The following ARMH3 variants were observed in gnomAD, a reference collection of about 807,000 sequenced individuals.
ARMH3 encodes the protein armadillo-like helical domain-containing protein 3.
In ARMH3, 60 loss-of-function variants were observed where a neutral mutation model predicts 99.1. That is an observed-to-expected ratio of 0.61 (90% confidence interval 0.49 to 0.75). The LOEUF is 0.75. ARMH3 is among the 30% of genes least tolerant of loss of function. The probability of loss-of-function intolerance (pLI) is 0.00; values close to 1 mark genes in which losing one functional copy is unlikely to be tolerated. For synonymous variants in ARMH3, 285 were observed against 292.8 expected, an observed-to-expected ratio of 0.97 and a Z score of 0.27; for missense variants, 679 against 843.1, an observed-to-expected ratio of 0.81 and a Z score of 2.41.
chr10:101,950,639 C>T (rs1033136890), intron 22 of ARMH3, among the ~76,000 whole-genome samples: 4 of 152,184 alleles, frequency 2.6e-5, no homozygotes, highest in African/African-American at 9.7e-5. Flanking sequence ...AGTACTGTTA[C>T]TTCATGGATA....
chr10:101,944,271 TATAGAGAGAGAGAGAG>T (rs1844399298), intron 22 of ARMH3, among the ~76,000 whole-genome samples: 4 of 40,030 alleles, frequency 1.0e-4, no homozygotes, highest in East Asian at 1.8e-3. Flanking sequence ...TATATATATA[TATAGAGAGAGAGAGAG>T]AGAGAGAGAG....
chr10:101,925,186 T>G (rs1843461537), intron 23 of ARMH3, among the ~76,000 whole-genome samples: 1 of 152,340 alleles, frequency 6.6e-6, no homozygotes, highest in South Asian at 2.1e-4. Flanking sequence ...GTGATTCAGC[T>G]GCTGAATAAC....
chr10:102,019,043 T>C (rs2066816447), intron 8 of ARMH3, among the ~76,000 whole-genome samples: 1 of 152,186 alleles, frequency 6.6e-6, no homozygotes, highest in Non-Finnish European at 1.5e-5. Flanking sequence ...GTTTATGTAT[T>C]TACTATACTA....
At chr10:101,945,072 A>C (rs1844457614) in intron 22 of ARMH3, among the ~76,000 whole-genome samples, 1 of 152,208 alleles carries the variant, frequency 6.6e-6, no homozygotes, top group South Asian at 2.1e-4. Flanking sequence ...AAACATGAAA[A>C]GTAATTATCT....
chr10:101,933,294 A>G (rs144915740), intron 23 of ARMH3, among the ~76,000 whole-genome samples: 81 of 152,334 alleles, frequency 5.3e-4, no homozygotes, highest in Non-Finnish European at 9.7e-4. Flanking sequence ...AAATTTCAGG[A>G]TAAGTTTAGG....
chr10:102,009,589 C>T, intron 12 of ARMH3, 140 bp from the exon 13 acceptor site: 2 of 783,778 alleles, frequency 2.6e-6, no homozygotes, highest in South Asian at 3.3e-5. Context: ...CTTTACTTGC[C>T]ATTTGGGCGT....
intron 23 of ARMH3, among the ~76,000 whole-genome samples, chr10:101,928,030 C>T (rs1023273177): frequency 5.9e-5 from 9 of 152,168 alleles, no homozygotes; most frequent in Non-Finnish European, 1.0e-4. Flanking sequence ...GCCAAGACTG[C>T]GTCACTGCAC....
chr10:101,894,213 G>A (rs1186172966), intron 23 of ARMH3, among the ~76,000 whole-genome samples: 2 of 152,176 alleles, frequency 1.3e-5, no homozygotes, highest in East Asian at 1.9e-4. Context: ...CTAATGTCCT[G>A]GAGATGCCAG....
intron 1 of ARMH3, among the ~76,000 whole-genome samples, 173 bp downstream of exon 1, chr10:102,055,912 C>A (rs1213224065): frequency 1.5e-4 from 23 of 152,216 alleles, no homozygotes; most frequent in Admixed American, 1.5e-3. Context: ...CCCTCCCCGG[C>A]ATACGCAGCT....
chr10:101,912,391 C>CAA (rs34173316), intron 23 of ARMH3, among the ~76,000 whole-genome samples: 55 of 82,968 alleles, frequency 6.6e-4, no homozygotes, highest in Non-Finnish European at 8.9e-4. Context: ...GACTCTGTCT[C>CAA]AAAAAAAAAA....
intron 23 of ARMH3, among the ~76,000 whole-genome samples, chr10:101,896,537 A>T (rs1439197922): frequency 6.6e-6 from 1 of 152,224 alleles, no homozygotes; most frequent in Non-Finnish European, 1.5e-5. Flanking sequence ...TATACCAGAA[A>T]ACATGAACTG....
rs544273178 is a variant in ARMH3, at chr10:101,953,796, A to T, written c.1705+2801T>A. Among the ~76,000 whole-genome samples, 109 of 152,302 alleles carry T rather than the reference A, an allele frequency of 7.2e-4. No homozygotes were observed. In the South Asian group the frequency reaches 0.022, roughly 30 times the overall value. On this transcript the variant is annotated intron_variant, in intron 22 of 25. Coordinates refer to ENST00000370033, the MANE Select transcript of ARMH3 (RefSeq NM_024541.3). Reference sequence around the variant, plus strand: ...TGCTGGAGAGAATGTAAAATAGAACATGCATTTTGGAAAACGGTTTGGCGG... The same window carrying T: ...TGCTGGAGAGAATGTAAAATAGAACTTGCATTTTGGAAAACGGTTTGGCGG...
At chr10:101,954,000 T>C (rs1844914411) in intron 22 of ARMH3, among the ~76,000 whole-genome samples, 1 of 152,144 alleles carries the variant, frequency 6.6e-6, no homozygotes, top group Admixed American at 6.5e-5. Context: ...AAGACCAGCC[T>C]GGGCAACATG....
rs563001894 is a variant in ARMH3 at position 102,041,721 on chromosome 10, G to A, written c.-11-1596C>T. On this transcript the variant is annotated intron_variant, in intron 1 of 25. Coordinates refer to ENST00000370033, the MANE Select transcript of ARMH3 (RefSeq NM_024541.3). ...GCTGGAGTACAATGGCGTGATCTCA[G>A]CTTACTGAAACCTGTCTCCCAGGTT... Among the ~76,000 whole-genome samples, 5 of 151,712 alleles carry A rather than the reference G, an allele frequency of 3.3e-5. No homozygotes were observed. In the South Asian group the frequency reaches 1.0e-3, roughly 32 times the overall value.
At chr10:102,013,937 T>A (rs769059128) in intron 9 of ARMH3, 31 bp downstream of exon 9, 2 of 1,548,600 alleles carry the variant, frequency 1.3e-6, no homozygotes, top group Non-Finnish European at 1.8e-6. Flanking sequence ...TGCAAATAAG[T>A]AAGACAATAC....
At chr10:101,913,844 G>A (rs1039079406) in intron 23 of ARMH3, among the ~76,000 whole-genome samples, 5 of 152,214 alleles carry the variant, frequency 3.3e-5, no homozygotes, top group Non-Finnish European at 7.3e-5. Flanking sequence ...GTAAGCAGTG[G>A]TCTGTCATCT....
At chr10:102,036,087 C>T (rs1327180260) in intron 2 of ARMH3, among the ~76,000 whole-genome samples, 1 of 150,478 alleles carries the variant, frequency 6.6e-6, no homozygotes, top group East Asian at 2.0e-4. Flanking sequence ...GCACCTCCGC[C>T]CGGCAGCCAC....
chr10:102,006,685 A>AG, intron 13 of ARMH3, 52 bp from the exon 14 acceptor site: 1 of 1,542,102 alleles, frequency 6.5e-7, no homozygotes, highest in Non-Finnish European at 9.0e-7. Context: ...GTTCTCCCTG[A>AG]GTATCAAGTG....
At chr10:101,901,825 A>T (rs944916176) in intron 23 of ARMH3, among the ~76,000 whole-genome samples, 1 of 152,224 alleles carries the variant, frequency 6.6e-6, no homozygotes, top group Non-Finnish European at 1.5e-5. Context: ...GTAAATAAAG[A>T]ATAAACAAGC....
Sources: allele counts gnomAD v4.1 joint callset (sites outside exome capture counted in the v4.1 genomes callset), GRCh38; gene constraint gnomAD v4.1.1; transcripts MANE v1.5; gene names NCBI Gene and HGNC (gene_info 2026-07-23, HGNC 2026-07-21).